The following CALN1 variants were observed in gnomAD, a reference collection of about 807,000 sequenced individuals.
The protein encoded by CALN1 is calneuron 1.
CALN1 carries 17 observed loss-of-function variants against 30.6 expected under a neutral mutation model. The observed-to-expected ratio is 0.56, with a 90% CI of 0.38 to 0.83. CALN1 has a LOEUF of 0.83. Ranked by LOEUF, CALN1 falls within the 40% of genes least tolerant of loss-of-function variation. The probability of loss-of-function intolerance (pLI) is 0.00; values close to 1 mark genes in which losing one functional copy is unlikely to be tolerated. For missense variants in CALN1, 291 were observed against 354.9 expected (o/e 0.82, Z 1.45); for synonymous variants, 156 against 131.4 (o/e 1.19, Z -1.28).
chr7:72,459,258 C>A, the CALN1 span, among the ~76,000 whole-genome samples: 1 of 152,032 alleles, frequency 6.6e-6, no homozygotes, highest in African/African-American at 2.4e-5. Context: ...GTAAAATGCG[C>A]GATTTTTCAA....
chr7:72,170,964 C>T (rs751740666), intron 3 of CALN1, among the ~76,000 whole-genome samples: 4 of 152,064 alleles, frequency 2.6e-5, no homozygotes, highest in African/African-American at 4.8e-5. Flanking sequence ...TTAAGACCAG[C>T]GTGGGCAACA....
At chr7:72,324,962 G>C (rs1585491840) in intron 2 of CALN1, among the ~76,000 whole-genome samples, 1 of 152,188 alleles carries the variant, frequency 6.6e-6, no homozygotes, top group Non-Finnish European at 1.5e-5. Flanking sequence ...CTCGACAGAT[G>C]CATTTATCTC....
At chr7:72,282,457 C>G (rs1211232954) in intron 2 of CALN1, among the ~76,000 whole-genome samples, 1 of 152,114 alleles carries the variant, frequency 6.6e-6, no homozygotes, top group Non-Finnish European at 1.5e-5. Context: ...AGAGATGGAG[C>G]CTTTAGAAGC....
intron 2 of CALN1, among the ~76,000 whole-genome samples, chr7:72,301,422 A>C (rs1406227331): frequency 6.6e-6 from 1 of 152,022 alleles, no homozygotes; most frequent in African/African-American, 2.4e-5. Flanking sequence ...AGCCTAGCCA[A>C]CATGGTGAAA....
chr7:72,359,957 A>G lies in CALN1; in HGVS notation c.119+43294T>C, dbSNP rs1803465595. ...ACGCCACTGCACTCCAGCTTGGGTG[A>G]CAGAGTGAGACTCCATCTCAAAAAA... On this transcript the variant is annotated intron_variant, in intron 2 of 6. Coordinates refer to ENST00000395275, the MANE Select transcript of CALN1 (RefSeq NM_031468.4). 2.4e-5 allele frequency among the ~76,000 whole-genome samples: 3 copies of G among 122,602 alleles called. No homozygotes were observed. In the Admixed American group the frequency reaches 3.0e-4, roughly 12 times the overall value. 80.4% of individuals were successfully genotyped at this position (122,602 alleles called of 152,430 possible). A position where few individuals can be genotyped will look rare whatever the true frequency, so the allele number is the denominator to read the frequency against.
At chr7:72,047,520 T>TAA (rs1341448761) in intron 4 of CALN1, among the ~76,000 whole-genome samples, 1 of 152,114 alleles carries the variant, frequency 6.6e-6, no homozygotes, top group South Asian at 2.1e-4. Flanking sequence ...GCCCAGGACT[T>TAA]AGAGACTGCA....
intron 5 of CALN1, among the ~76,000 whole-genome samples, chr7:71,973,245 G>A (rs1157388813): frequency 6.6e-6 from 1 of 151,482 alleles, no homozygotes; most frequent in Non-Finnish European, 1.5e-5. Context: ...GCACAATCTC[G>A]GCTCACTGCA....
chr7:72,308,552 T>A (rs377317341), intron 2 of CALN1, among the ~76,000 whole-genome samples: 1 of 152,148 alleles, frequency 6.6e-6, no homozygotes, highest in Non-Finnish European at 1.5e-5. Flanking sequence ...AATGAATGAA[T>A]GAACGATATG....
Position 72,429,506 on chromosome 7 carries a change from G to A in CALN1, c.-225-17231C>T, listed in dbSNP as rs565200753. On this transcript the variant is annotated intron_variant, in intron 1 of 6. Coordinates refer to the CALN1 transcript ENST00000395276. The stretch of plus-strand genomic sequence containing the variant: ...AAATCATCACCGTTCTCTTTTCAAC[G>A]GAGGACATGGTTTTATGGTTATGAA... 2.0e-5 allele frequency among the ~76,000 whole-genome samples: 3 copies of A among 152,086 alleles called. No individual in the cohort carries two copies. The East Asian group carries it at 5.8e-4, about 29-fold the overall frequency.
intron 1 of CALN1, among the ~76,000 whole-genome samples, chr7:72,434,437 G>GGTTGAACCCAGGAGGCAGAGGTTGCA (rs1562967358): frequency 1.3e-5 from 2 of 151,352 alleles, no homozygotes; most frequent in Non-Finnish European, 2.9e-5. Context: ...CAAGAGAATC[G>GGTTGAACCCAGGAGGCAGAGGTTGCA]GTTGAACCCA....
chr7:72,483,032 T>C, the CALN1 span, among the ~76,000 whole-genome samples: 1 of 152,178 alleles, frequency 6.6e-6, no homozygotes, highest in Non-Finnish European at 1.5e-5. Context: ...GTTTAATATT[T>C]TAGAGATGTT....
At chr7:72,098,463 C>T (rs1383887283) in intron 4 of CALN1, among the ~76,000 whole-genome samples, 1 of 152,024 alleles carries the variant, frequency 6.6e-6, no homozygotes, top group Non-Finnish European at 1.5e-5. Context: ...CACCACTTAG[C>T]GAGGCTAAGG....
At chr7:72,191,947 C>A (rs1052471456) in intron 3 of CALN1, among the ~76,000 whole-genome samples, 3 of 152,030 alleles carry the variant, frequency 2.0e-5, no homozygotes, top group Admixed American at 2.0e-4. Flanking sequence ...TTTGCCATTA[C>A]CTTTAATGGC....
At chr7:71,980,888 T>C (rs1223183748) in intron 5 of CALN1, among the ~76,000 whole-genome samples, 2 of 152,052 alleles carry the variant, frequency 1.3e-5, no homozygotes, top group African/African-American at 4.8e-5. Context: ...AGCTCATTCC[T>C]TGAAAGCAGG....
At position 71,923,027 on chromosome 7, in the gene CALN1, TCTATA is replaced by T. The variant is rs112246797; in HGVS notation, c.501+100625_501+100629del. Among the ~76,000 whole-genome samples the T allele has an allele frequency of 2.0e-3, 306 of 149,720 alleles. 1 individual carries two copies. Among genetic ancestry groups the T allele is most frequent in the African/African-American group, 7.0e-3 (283 of 40,326 alleles). On this transcript the variant is annotated intron_variant, in intron 5 of 6. Coordinates refer to ENST00000395275, the MANE Select transcript of CALN1 (RefSeq NM_031468.4). ...ACTATACTATACTATACTATACTAT[TCTATA>T]CTATACTATACTATACAGCCAGCAC...
At chr7:72,286,136 T>A (rs1447865456) in intron 2 of CALN1, among the ~76,000 whole-genome samples, 1 of 152,176 alleles carries the variant, frequency 6.6e-6, no homozygotes, top group African/African-American at 2.4e-5. Flanking sequence ...AGTCAGATAG[T>A]ACAGGGATAA....
chr7:72,421,519 T>C lies in CALN1; in HGVS notation c.-225-9244A>G, dbSNP rs576727402. 3.3e-5 allele frequency among the ~76,000 whole-genome samples: 5 copies of C among 152,036 alleles called. No individual in the cohort carries two copies. The East Asian group carries it at 7.7e-4, about 23-fold the overall frequency. On this transcript the variant is annotated intron_variant, in intron 1 of 6. Transcript: ENST00000395276. ...CTCTCATGGTGTCATTTTGTCTTTA[T>C]TTTATCTTATAACAGTCATCATATT... is the stretch of plus-strand genomic sequence containing the variant.
chr7:72,222,580 A>G (rs1793387193), intron 3 of CALN1, among the ~76,000 whole-genome samples: 1 of 152,132 alleles, frequency 6.6e-6, no homozygotes, highest in South Asian at 2.1e-4. Context: ...GGGGATTACA[A>G]TTGAACATGA....
At chr7:71,821,156 G>A (rs1476709195) in intron 5 of CALN1, among the ~76,000 whole-genome samples, 2 of 152,160 alleles carry the variant, frequency 1.3e-5, no homozygotes, top group Non-Finnish European at 2.9e-5. Context: ...TACAGATGAT[G>A]ATAAAGTCAT....
Sources: allele counts gnomAD v4.1 joint callset (sites outside exome capture counted in the v4.1 genomes callset), GRCh38; gene constraint gnomAD v4.1.1; transcripts MANE v1.5; gene names NCBI Gene and HGNC (gene_info 2026-07-23, HGNC 2026-07-21).